The following PARD3B variants were observed in gnomAD, a reference collection of about 807,000 sequenced individuals.
PARD3B encodes partitioning defective 3 homolog B.
A neutral mutation model predicts 130.2 loss-of-function variants in PARD3B; 103 were observed. The observed-to-expected ratio is 0.79, with a 90% CI of 0.67 to 0.93. The LOEUF is 0.93. PARD3B is among the 40% of genes least tolerant of loss of function. The pLI, the probability that PARD3B is intolerant of heterozygous loss-of-function variation, is 0.00. For missense variants in PARD3B, 1,609 were observed against 1,499.2 expected (o/e 1.07, Z -1.21); for synonymous variants, 583 against 553.2 (o/e 1.05, Z -0.76).
chr2:205,331,086 G>A (rs528896163), intron 18 of PARD3B, among the ~76,000 whole-genome samples: 3 of 152,102 alleles, frequency 2.0e-5, no homozygotes, highest in East Asian at 1.9e-4. Flanking sequence ...CTCCCTCCAC[G>A]CCCACCACAA....
rs949226848 is a variant in PARD3B, at chr2:205,280,329, CA to C, written c.2186-20198del. On this transcript the variant is annotated intron_variant, in intron 16 of 22. Coordinates refer to ENST00000406610, the MANE Select transcript of PARD3B (RefSeq NM_001302769.2). This position sits in a 1 kb window ranked among gnomAD's most constrained non-coding sequence, Gnocchi z 4.7. The stretch of plus-strand genomic sequence containing the variant: ...AATGTTAAGTGAAGAAAAAAATCAT[CA>C]AAGGGATCATCTGTACTTGCCCTGC... Among the ~76,000 whole-genome samples, 31 of 152,178 alleles carry C rather than the reference CA, an allele frequency of 2.0e-4. No individual in the cohort carries two copies. Among genetic ancestry groups the C allele is most frequent in the African/African-American group, 7.5e-4 (31 of 41,438 alleles).
At chr2:204,624,641 C>T (rs2034424323) in intron 1 of PARD3B, among the ~76,000 whole-genome samples, 1 of 152,092 alleles carries the variant, frequency 6.6e-6, no homozygotes, top group Admixed American at 6.6e-5. Flanking sequence ...CGTGGACATT[C>T]TGCTTGTTTC....
At chr2:204,830,151 T>A (rs1203794120) in intron 2 of PARD3B, among the ~76,000 whole-genome samples, 1 of 152,164 alleles carries the variant, frequency 6.6e-6, no homozygotes, top group Non-Finnish European at 1.5e-5. Flanking sequence ...CTGTGTAGCC[T>A]GTGGAACCGT....
At chr2:204,852,098 A>C (rs182896406) in intron 2 of PARD3B, among the ~76,000 whole-genome samples, 1 of 152,316 alleles carries the variant, frequency 6.6e-6, no homozygotes, top group East Asian at 1.9e-4. Flanking sequence ...AAGTAATGAC[A>C]GTAGTGTGTA....
chr2:204,770,479 G>A (rs2041318155), intron 2 of PARD3B, among the ~76,000 whole-genome samples: 2 of 151,626 alleles, frequency 1.3e-5, no homozygotes, highest in East Asian at 2.0e-4. Context: ...TGTATATTCT[G>A]TTGATTTGGG....
chr2:204,779,205 A>T (rs1227966201), intron 2 of PARD3B, among the ~76,000 whole-genome samples: 3 of 151,950 alleles, frequency 2.0e-5, no homozygotes, highest in Non-Finnish European at 4.4e-5. Flanking sequence ...AGTCTTGCCC[A>T]TTTTCTTCCA....
At chr2:205,109,387 T>C (rs6715145) in intron 5 of PARD3B, among the ~76,000 whole-genome samples, 56,117 of 152,068 alleles carry the variant, frequency 0.37, 11,367 homozygotes, top group Admixed American at 0.53. Flanking sequence ...GTCAGCAGTC[T>C]GATTGCAAAT....
At chr2:205,447,853 A>G (rs1378746588) in intron 20 of PARD3B, among the ~76,000 whole-genome samples, 2 of 152,208 alleles carry the variant, frequency 1.3e-5, no homozygotes, top group Non-Finnish European at 2.9e-5. Context: ...TAGTTGATGT[A>G]GAAATGCCCA....
intron 16 of PARD3B, among the ~76,000 whole-genome samples, chr2:205,272,731 A>G (rs558218062): frequency 6.6e-6 from 1 of 152,302 alleles, no homozygotes; most frequent in South Asian, 2.1e-4. Flanking sequence ...AAGAAGGAGG[A>G]CAGGTGAAGG....
At chr2:204,875,411 A>G (rs1336386758) in intron 2 of PARD3B, among the ~76,000 whole-genome samples, 2 of 152,124 alleles carry the variant, frequency 1.3e-5, no homozygotes, top group South Asian at 2.1e-4. Context: ...ATCTTGTGAA[A>G]ATCTTTAGAG....
intron 21 of PARD3B, among the ~76,000 whole-genome samples, chr2:205,524,637 C>T (rs537604458): frequency 2.1e-4 from 32 of 152,174 alleles, no homozygotes; most frequent in Admixed American, 6.5e-4. Flanking sequence ...AGATTTTTTC[C>T]GCTGTTACAG....
chr2:205,042,435 G>C (rs575338950), intron 3 of PARD3B, among the ~76,000 whole-genome samples: 1 of 152,230 alleles, frequency 6.6e-6, no homozygotes. Context: ...CCTGAATGTG[G>C]TATAAGTCCT....
rs1050927898 is a variant in PARD3B, at chr2:205,575,892, G to A, written c.3260+22489G>A. On this transcript the variant is annotated intron_variant, in intron 22 of 22. Transcript: ENST00000406610. The surrounding 1 kb of genome is among the most constrained non-coding windows in gnomAD (Gnocchi z 4.6). ...TCAGCTCTTTTGGGTAAATACCAAG[G>A]AACATGACTGCTGGATCAAGTGGCG... Among the ~76,000 whole-genome samples the A allele has an allele frequency of 2.6e-5, 4 of 152,104 alleles. No homozygotes were observed. Among genetic ancestry groups the A allele is most frequent in the Non-Finnish European group, 4.4e-5 (3 of 68,014 alleles).
At chr2:205,439,662 T>A (rs1480479957) in intron 19 of PARD3B, among the ~76,000 whole-genome samples, 1 of 152,212 alleles carries the variant, frequency 6.6e-6, no homozygotes, top group Non-Finnish European at 1.5e-5. Context: ...GCTTTAGCAC[T>A]GTGGAGTTCT....
At chr2:205,492,240 CAGA>C (rs1442561487) in intron 20 of PARD3B, among the ~76,000 whole-genome samples, 4 of 152,142 alleles carry the variant, frequency 2.6e-5, no homozygotes, top group African/African-American at 9.7e-5. Context: ...AGATAATGGA[CAGA>C]AGAAGCCCTT....
At chr2:205,381,224 T>C (rs1218543528) in intron 18 of PARD3B, among the ~76,000 whole-genome samples, 1 of 127,072 alleles carries the variant, frequency 7.9e-6, no homozygotes, top group Non-Finnish European at 1.6e-5. Flanking sequence ...ATATATATTA[T>C]ATATAATATA....
At chr2:204,946,234 T>C (rs1006286638) in intron 2 of PARD3B, among the ~76,000 whole-genome samples, 1 of 152,232 alleles carries the variant, frequency 6.6e-6, no homozygotes, top group East Asian at 1.9e-4. Flanking sequence ...AACACAGTGC[T>C]TGGCCTGTTA....
rs763542428 is a variant in PARD3B, at chr2:205,047,644, C to G, written c.458C>G (p.Pro153Arg). ...CCAGGCCCACCTGCTGATACCCAGC[C>G]AAGCGCTTCACACCCTGGTGGCCAG... ...PVPGPPADTQ[P>R]SASHPGGQSL... The change falls in exon 4 of 23, where the codon CCA (proline) becomes CGA (arginine). Residue 153 changes from proline to arginine, a missense_variant. Transcript: ENST00000406610. 1.3e-6 allele frequency: 2 copies of G among 1,550,998 alleles called. No homozygotes were observed. The highest frequency in any genetic ancestry group is 1.2e-5 in the South Asian group (1 of 84,040).
At chr2:204,557,419 A>G in intron 1 of PARD3B, among the ~76,000 whole-genome samples, 1 of 152,170 alleles carries the variant, frequency 6.6e-6, no homozygotes, top group East Asian at 1.9e-4. Flanking sequence ...CCAGTCGCTC[A>G]GAAATTTCCT....
Sources: allele counts gnomAD v4.1 joint callset (sites outside exome capture counted in the v4.1 genomes callset), GRCh38; gene constraint gnomAD v4.1.1; non-coding constraint Gnocchi (gnomAD v3.1); transcripts MANE v1.5; gene names NCBI Gene and HGNC (gene_info 2026-07-23, HGNC 2026-07-21).